SEM1: variants seen among roughly 807,000 people sequenced by gnomAD.
SEM1 encodes the protein 26S proteasome complex subunit SEM1.
SEM1 carries 3 observed loss-of-function variants against 12.7 expected under a neutral mutation model. That is an observed-to-expected ratio of 0.24 (90% confidence interval 0.11 to 0.61). The LOEUF is 0.61. SEM1 is among the 20% of genes least tolerant of loss of function. SEM1 has a pLI of 0.88. For missense variants in SEM1, 59 were observed against 81.3 expected, an observed-to-expected ratio of 0.73 and a Z score of 1.06; for synonymous variants, 30 against 27.8, an observed-to-expected ratio of 1.08 and a Z score of -0.25.
chr7:96,538,083 C>T (rs909369314), intron 2 of SEM1, among the ~76,000 whole-genome samples: 1 of 151,588 alleles, frequency 6.6e-6, no homozygotes, highest in Admixed American at 6.6e-5. Flanking sequence ...TTTGAGTGTA[C>T]TTATAAGCCC....
At chr7:96,504,907 T>C (rs1803701214) in intron 3 of SEM1, among the ~76,000 whole-genome samples, 1 of 151,828 alleles carries the variant, frequency 6.6e-6, no homozygotes, top group African/African-American at 2.4e-5. Context: ...CTATAGAATC[T>C]CCTTGAGTTG....
At chr7:96,655,863 G>A (rs540134721) in intron 2 of SEM1, among the ~76,000 whole-genome samples, 1 of 152,272 alleles carries the variant, frequency 6.6e-6, no homozygotes, top group South Asian at 2.1e-4. Context: ...TTGATAATTA[G>A]TGATTATAAA....
chr7:96,594,397 A>ACC (rs201575222), intron 2 of SEM1, among the ~76,000 whole-genome samples: 3 of 148,778 alleles, frequency 2.0e-5, no homozygotes, highest in African/African-American at 7.4e-5. Context: ...GAATATGAAA[A>ACC]CCCCCCCACC....
chr7:96,665,676 G>A (rs1789152397), intron 2 of SEM1, among the ~76,000 whole-genome samples: 1 of 152,194 alleles, frequency 6.6e-6, no homozygotes, highest in African/African-American at 2.4e-5. Context: ...AGCCTTAACT[G>A]TACATCAAAT....
At chr7:96,552,450 T>C (rs36148057) in intron 2 of SEM1, among the ~76,000 whole-genome samples, 8,891 of 151,082 alleles carry the variant, frequency 0.059, 360 homozygotes, top group Middle Eastern at 0.14. Context: ...GTTTGGTTTT[T>C]TGTTCTTGCG....
intron 2 of SEM1, among the ~76,000 whole-genome samples, chr7:96,655,635 C>T (rs774911159): frequency 2.0e-5 from 3 of 152,034 alleles, no homozygotes; most frequent in East Asian, 1.9e-4. Context: ...TCTCTCCACA[C>T]CCGTGAACTA....
At chr7:96,558,246 C>G (rs1019048765) in intron 2 of SEM1, 4 of 152,878 alleles carry the variant, frequency 2.6e-5, no homozygotes, top group East Asian at 3.8e-4. Context: ...CCAGCTGATG[C>G]ATGTCCATGG....
chr7:96,486,612 C>T (rs1222561297), intron 1 of SEM1, among the ~76,000 whole-genome samples: 1 of 152,148 alleles, frequency 6.6e-6, no homozygotes, highest in African/African-American at 2.4e-5. Flanking sequence ...CTCTCCCTGA[C>T]CCTCAGGCCT....
chr7:96,594,216 C>A (rs1584793439), intron 2 of SEM1, among the ~76,000 whole-genome samples: 1 of 152,066 alleles, frequency 6.6e-6, no homozygotes, highest in Non-Finnish European at 1.5e-5. Flanking sequence ...TTGCAACAAC[C>A]AAATGCCTGC....
chr7:96,705,812 T>A (rs1308432739), intron 1 of SEM1, among the ~76,000 whole-genome samples: 1 of 150,418 alleles, frequency 6.6e-6, no homozygotes, highest in Non-Finnish European at 1.5e-5. Flanking sequence ...AGAGCGAGAC[T>A]CTGTCTCAAA....
chr7:96,537,417 CTTAACATTTTTTTCAG>C (rs1011778051), intron 2 of SEM1, among the ~76,000 whole-genome samples: 4 of 151,654 alleles, frequency 2.6e-5, no homozygotes, highest in African/African-American at 9.7e-5. Context: ...CTGAAGAAAT[CTTAACATTTTTTTCAG>C]GGTATGTCTA....
intron 2 of SEM1, among the ~76,000 whole-genome samples, chr7:96,540,261 GA>G (rs1804904854): frequency 6.6e-6 from 1 of 151,562 alleles, no homozygotes; most frequent in Non-Finnish European, 1.5e-5. Context: ...TGAGTGTTGA[GA>G]AAATTGGATA....
chr7:96,637,801 C>T (rs577661131), intron 2 of SEM1, among the ~76,000 whole-genome samples: 2 of 152,100 alleles, frequency 1.3e-5, no homozygotes, highest in East Asian at 1.9e-4. Context: ...TCATCTTCTT[C>T]CCTCTTATTA....
In SEM1 at chr7:96,514,501, T is replaced by C. The variant is rs1227450471; in HGVS notation, c.171-7803A>G. On this transcript the variant is annotated intron_variant and NMD_transcript_variant, in intron 2 of 3. Coordinates refer to the SEM1 transcript ENST00000466986. ...TGTCTTTCTTCACAGATGACATGAT[T>C]GTCTCTGTAGAAAATCTTAAGTAAT... Among the ~76,000 whole-genome samples, 3 of 144,878 alleles carry C rather than the reference T, an allele frequency of 2.1e-5. No individual in the cohort carries two copies. The Admixed American group carries it at 2.1e-4, about 10-fold the overall frequency.
intron 2 of SEM1, among the ~76,000 whole-genome samples, chr7:96,562,708 G>T (rs544591323): frequency 5.5e-4 from 84 of 152,272 alleles, no homozygotes; most frequent in African/African-American, 1.9e-3. Flanking sequence ...GTGGGGAGAA[G>T]TTTGGTAAGT....
chr7:96,576,770 G>A lies in SEM1; in HGVS notation c.171-70072C>T, dbSNP rs146193960. Among the ~76,000 whole-genome samples the A allele has an allele frequency of 4.6e-3, 707 of 152,066 alleles. 4 individuals carry two copies. The highest frequency in any genetic ancestry group is 8.4e-3 in the Non-Finnish European group (568 of 67,974). ...AATGCAATTCTGAATTCTGTTCTAG[G>A]TAATACGGCAAAGAAGCCATCACAA... On this transcript the variant is annotated intron_variant and NMD_transcript_variant, in intron 2 of 3. Coordinates refer to the SEM1 transcript ENST00000466986.
At chr7:96,597,908 G>A (rs1410433919) in intron 2 of SEM1, among the ~76,000 whole-genome samples, 1 of 152,014 alleles carries the variant, frequency 6.6e-6, no homozygotes, top group Non-Finnish European at 1.5e-5. Flanking sequence ...CATATATATA[G>A]TTCTCACCTA....
chr7:96,541,698 G>GT (rs1460529294), intron 2 of SEM1, among the ~76,000 whole-genome samples: 5 of 151,338 alleles, frequency 3.3e-5, no homozygotes, highest in Non-Finnish European at 4.4e-5. Flanking sequence ...TGTTTTCTAG[G>GT]TTTTCATCTG....
intron 2 of SEM1, among the ~76,000 whole-genome samples, chr7:96,643,382 G>C (rs1287326840): frequency 6.6e-6 from 1 of 151,260 alleles, no homozygotes; most frequent in Non-Finnish European, 1.5e-5. Flanking sequence ...TAAGTTCTGG[G>C]GTACATGTAC....
Sources: allele counts gnomAD v4.1 joint callset (sites outside exome capture counted in the v4.1 genomes callset), GRCh38; gene constraint gnomAD v4.1.1; transcripts MANE v1.5; gene names NCBI Gene and HGNC (gene_info 2026-07-23, HGNC 2026-07-21).